The following PCDHGA7 variants were observed in gnomAD, a reference collection of about 807,000 sequenced individuals.
The protein encoded by PCDHGA7 is protocadherin gamma-A7.
Under a neutral mutation model 58.3 loss-of-function variants are expected in PCDHGA7, and 44 were observed. That is an observed-to-expected ratio of 0.75 (90% CI 0.59 to 0.97). PCDHGA7 has a LOEUF of 0.97. Ranked by LOEUF, PCDHGA7 falls within the 50% of genes least tolerant of loss-of-function variation. PCDHGA7 has a pLI of 0.00. For synonymous variants in PCDHGA7, 516 were observed against 504.2 expected (o/e 1.02, Z -0.31); for missense variants, 1,266 against 1,188.7 (o/e 1.06, Z -0.96).
rs2097423534 is a variant in PCDHGA7 at position 141,431,850 on chromosome 5, C to A, written c.2424+46527C>A. 6.2e-7 allele frequency: 1 copy of A among 1,614,234 alleles called. No individual in the cohort carries two copies. ...GTTCCCGAAAACTCTCCCAGAGGGA[C>A]ATTAATTGCCCTTTTAAATGTAAAT... On this transcript the variant is annotated intron_variant, in intron 1 of 3. Coordinates refer to ENST00000518325, the MANE Select transcript of PCDHGA7 (RefSeq NM_018920.4). This position sits in a 1 kb window ranked among gnomAD's most constrained non-coding sequence, Gnocchi z 4.8.
intron 1 of PCDHGA7, chr5:141,420,078 C>T (rs764695314): frequency 6.2e-7 from 1 of 1,614,008 alleles, no homozygotes; most frequent in Non-Finnish European, 8.5e-7. Context: ...CCTGTGGGTC[C>T]CCCCAACTAC....
chr5:141,398,317 C>G (rs1364315924), intron 1 of PCDHGA7: 1 of 1,349,834 alleles, frequency 7.4e-7, no homozygotes, highest in Non-Finnish European at 1.0e-6. Flanking sequence ...GTTACCGACT[C>G]GAAAACTGCG....
At position 141,494,693 on chromosome 5, in the gene PCDHGA7, G is replaced by A. The variant is rs2099756182; in HGVS notation, c.2425-114G>A. The A allele has an allele frequency of 5.0e-6, 8 of 1,585,786 alleles. No individual in the cohort carries two copies. In the South Asian group the frequency reaches 6.8e-5, roughly 13 times the overall value. ...GTCCACCCCTGCCCCCTCTTAGTCC[G>A]TTTTCTTCTCTGTGCCCACTCCCCT... is the stretch of plus-strand genomic sequence containing the variant. On this transcript the variant is annotated intron_variant, in intron 1 of 3. Transcript: ENST00000518325.
At chr5:141,450,727 T>G (rs1592137328) in intron 1 of PCDHGA7, among the ~76,000 whole-genome samples, 1 of 152,080 alleles carries the variant, frequency 6.6e-6, no homozygotes, top group Non-Finnish European at 1.5e-5. Flanking sequence ...CCTCAGGTGA[T>G]CCGCCCGCCT....
At chr5:141,392,744 CG>C (rs2092583694) in intron 1 of PCDHGA7, 1 of 1,439,038 alleles carries the variant, frequency 6.9e-7, no homozygotes, top group East Asian at 2.5e-5. Context: ...TCCATAGCTG[CG>C]GCAAGAAACT....
chr5:141,502,866 C>CTTTT (rs549047197), intron 2 of PCDHGA7, among the ~76,000 whole-genome samples: 3 of 128,028 alleles, frequency 2.3e-5, no homozygotes, highest in African/African-American at 6.2e-5. Flanking sequence ...GACTCTCTGT[C>CTTTT]TTTTTTTTTT....
intron 1 of PCDHGA7, chr5:141,389,998 T>G: frequency 6.2e-7 from 1 of 1,614,046 alleles, no homozygotes; most frequent in Non-Finnish European, 8.5e-7. Flanking sequence ...CTCGTGGCCA[T>G]GATTCTGGCC....
At chr5:141,415,041 G>C in intron 1 of PCDHGA7, 2 of 1,613,530 alleles carry the variant, frequency 1.2e-6, no homozygotes, top group Non-Finnish European at 1.7e-6. Context: ...GACTCTTCGC[G>C]GTGGGGGAGC....
chr5:141,484,922 GC>G (rs869160673), intron 1 of PCDHGA7: 1 of 481,378 alleles, frequency 2.1e-6, no homozygotes, highest in South Asian at 2.8e-5. Context: ...TAACCCTGCT[GC>G]TGTTGGGACG....
intron 1 of PCDHGA7, among the ~76,000 whole-genome samples, chr5:141,483,373 G>A (rs1410856257): frequency 6.6e-6 from 1 of 152,166 alleles, no homozygotes; most frequent in Admixed American, 6.5e-5. Flanking sequence ...TGCAATATTT[G>A]AAGAGAAGAT....
chr5:141,395,248 T>A, intron 1 of PCDHGA7: 1 of 1,561,360 alleles, frequency 6.4e-7, no homozygotes, highest in Non-Finnish European at 8.7e-7. Flanking sequence ...GTGAGTTTAG[T>A]TCTTTGCTTG....
intron 2 of PCDHGA7, among the ~76,000 whole-genome samples, chr5:141,499,670 C>T (rs1477227784): frequency 6.6e-6 from 1 of 151,412 alleles, no homozygotes; most frequent in African/African-American, 2.4e-5. Flanking sequence ...TCTTGGTCTC[C>T]ACCATCTTTA....
At chr5:141,455,874 T>C (rs2098834969) in intron 1 of PCDHGA7, among the ~76,000 whole-genome samples, 1 of 146,458 alleles carries the variant, frequency 6.8e-6, no homozygotes, top group South Asian at 2.1e-4. Flanking sequence ...TTTATTTATT[T>C]ATTTATTTAT....
At chr5:141,410,254 C>G in intron 1 of PCDHGA7, 1 of 1,614,020 alleles carries the variant, frequency 6.2e-7, no homozygotes, top group Non-Finnish European at 8.5e-7. Flanking sequence ...TCTCTGACCC[C>G]CAGGCTGAAC....
chr5:141,461,138 C>T (rs1416058747), intron 1 of PCDHGA7, among the ~76,000 whole-genome samples: 1 of 151,942 alleles, frequency 6.6e-6, no homozygotes, highest in East Asian at 1.9e-4. Flanking sequence ...ACTTATTTTC[C>T]TTTGGGTAGA....
chr5:141,400,371 C>A, intron 1 of PCDHGA7: 1 of 1,614,056 alleles, frequency 6.2e-7, no homozygotes, highest in South Asian at 1.1e-5. Flanking sequence ...CTTATTCCTA[C>A]AACCTATGTG....
At chr5:141,404,302 T>G (rs377754198) in intron 1 of PCDHGA7, 1 of 1,613,858 alleles carries the variant, frequency 6.2e-7, no homozygotes, top group African/African-American at 1.3e-5. Flanking sequence ...ATAATCCACC[T>G]GCTTTCTCTC....
chr5:141,408,185 C>G, intron 1 of PCDHGA7: 1 of 1,540,440 alleles, frequency 6.5e-7, no homozygotes, highest in Non-Finnish European at 8.8e-7. Context: ...GGGGACCCAG[C>G]GAGAACCCGA....
In PCDHGA7 at chr5:141,432,293, G is replaced by A; in HGVS notation, c.2424+46970G>A. On this transcript the variant is annotated intron_variant, in intron 1 of 3. Transcript: ENST00000518325. The surrounding 1 kb of genome is among the most constrained non-coding windows in gnomAD (Gnocchi z 6.0). ...CTACGTGTCCATCAACTCCGACACT[G>A]GGGTACTGTATGCGCTGAGCTCCTT... 1 of 1,614,254 alleles carries A rather than the reference G, an allele frequency of 6.2e-7. No homozygotes were observed. Among genetic ancestry groups the A allele is most frequent in the Non-Finnish European group, 8.5e-7 (1 of 1,180,040 alleles).
Sources: gnomAD v4.1 joint callset for allele counts (sites outside exome capture counted in the v4.1 genomes callset) on GRCh38, gnomAD v4.1.1 for gene constraint, Gnocchi (gnomAD v3.1) non-coding constraint, MANE v1.5 for transcripts, NCBI Gene and HGNC (gene_info 2026-07-23, HGNC 2026-07-21) for gene names.